NBEA: variants seen among roughly 807,000 people sequenced by gnomAD.
NBEA encodes lysosomal-trafficking regulator 2.
In NBEA, 44 loss-of-function variants were observed where a neutral mutation model predicts 343.4. The observed-to-expected ratio is 0.13, with a 90% confidence interval of 0.10 to 0.16. The LOEUF is 0.16. Among genes scored for constraint, NBEA ranks in the 10% least tolerant of loss-of-function variants. The probability of loss-of-function intolerance (pLI) is 1.00; values close to 1 mark genes in which losing one functional copy is unlikely to be tolerated. For synonymous variants in NBEA, 1,175 were observed against 1,238.7 expected, an observed-to-expected ratio of 0.95 and a Z score of 1.08; for missense variants, 2,555 against 3,631.3, an observed-to-expected ratio of 0.70 and a Z score of 7.62.
At chr13:35,427,848 C>G (rs1318904471) in intron 38 of NBEA, among the ~76,000 whole-genome samples, 1 of 152,346 alleles carries the variant, frequency 6.6e-6, no homozygotes, top group African/African-American at 2.4e-5. Flanking sequence ...CGCCCCTTCC[C>G]CAGTCTCACT....
intron 31 of NBEA, among the ~76,000 whole-genome samples, chr13:35,198,713 A>G (rs756946548): frequency 2.6e-5 from 4 of 152,008 alleles, no homozygotes; most frequent in Admixed American, 2.0e-4. Flanking sequence ...AATATATGCA[A>G]TAGCTCAAGT....
intron 38 of NBEA, among the ~76,000 whole-genome samples, chr13:35,427,751 G>A (rs910418454): frequency 6.6e-6 from 1 of 152,222 alleles, no homozygotes; most frequent in Non-Finnish European, 1.5e-5. Flanking sequence ...ACAGAGGCAG[G>A]CAGGCCTCCT....
intron 17 of NBEA, among the ~76,000 whole-genome samples, chr13:35,133,032 G>C (rs1353058836): frequency 6.6e-6 from 1 of 151,516 alleles, no homozygotes; most frequent in Non-Finnish European, 1.5e-5. Context: ...TTGACCATTA[G>C]AATAAAAAGT....
At chr13:35,301,023 C>T (rs1215323973) in intron 35 of NBEA, among the ~76,000 whole-genome samples, 4 of 152,094 alleles carry the variant, frequency 2.6e-5, no homozygotes, top group African/African-American at 9.7e-5. Flanking sequence ...TTAAAAACCA[C>T]ATGCAATCCT....
At chr13:35,377,119 A>C (rs977650747) in intron 38 of NBEA, among the ~76,000 whole-genome samples, 1 of 152,314 alleles carries the variant, frequency 6.6e-6, no homozygotes, top group Admixed American at 6.5e-5. Flanking sequence ...TTAGTTTTAA[A>C]ATTTTGACCA....
intron 11 of NBEA, among the ~76,000 whole-genome samples, chr13:35,107,671 A>G (rs559083344): frequency 3.9e-4 from 60 of 152,014 alleles, no homozygotes; most frequent in African/African-American, 1.4e-3. Flanking sequence ...TTTTTCTTCA[A>G]TTTTGCTAGC....
intron 36 of NBEA, among the ~76,000 whole-genome samples, chr13:35,337,393 T>C (rs1276208478): frequency 6.6e-6 from 1 of 152,066 alleles, no homozygotes; most frequent in Non-Finnish European, 1.5e-5. Context: ...AATACAAAAA[T>C]CATTACAGTG....
At chr13:35,438,619 C>A (rs967477871) in intron 39 of NBEA, among the ~76,000 whole-genome samples, 31 of 152,106 alleles carry the variant, frequency 2.0e-4, no homozygotes, top group African/African-American at 7.5e-4. Context: ...TTAATTGGAT[C>A]TCCTTATTTG....
Position 35,667,370 on chromosome 13 carries a change from G to A in NBEA, c.8465-4G>A. 6.2e-7 allele frequency: 1 copy of A among 1,612,854 alleles called. No homozygotes were observed. The highest frequency in any genetic ancestry group is 8.5e-7 in the Non-Finnish European group (1 of 1,179,330). On this transcript the variant is annotated splice_polypyrimidine_tract_variant and splice_region_variant and intron_variant, in intron 56 of 58. Coordinates refer to ENST00000379939, the MANE Select transcript of NBEA (RefSeq NM_001385012.1). ...ACCCTGGCATTGATGTCCCCACTTT[G>A]CAGAGGGCCCTTGCCTTGTCCACAC...
chr13:35,070,913 T>G, intron 10 of NBEA, 61 bp downstream of exon 10: 1 of 1,577,446 alleles, frequency 6.3e-7, no homozygotes, highest in Non-Finnish European at 8.7e-7. Flanking sequence ...CTATGCATGA[T>G]GTACTCAGTG....
intron 38 of NBEA, among the ~76,000 whole-genome samples, chr13:35,379,251 T>C (rs1009748746): frequency 2.6e-5 from 4 of 152,178 alleles, no homozygotes; most frequent in Non-Finnish European, 4.4e-5. Context: ...TCATTTTAGC[T>C]ATTTAGGTGG....
intron 13 of NBEA, among the ~76,000 whole-genome samples, chr13:35,111,598 A>G (rs1196778022): frequency 6.6e-6 from 1 of 151,906 alleles, no homozygotes; most frequent in Non-Finnish European, 1.5e-5. Context: ...GATTTTCTCA[A>G]TTTTTCTATG....
intron 38 of NBEA, among the ~76,000 whole-genome samples, chr13:35,383,060 A>G (rs2042087002): frequency 6.6e-6 from 1 of 152,140 alleles, no homozygotes; most frequent in South Asian, 2.1e-4. Flanking sequence ...TACACATCTC[A>G]CTATACACTG....
intron 41 of NBEA, among the ~76,000 whole-genome samples, chr13:35,528,119 C>T (rs1484942311): frequency 2.0e-5 from 3 of 152,152 alleles, no homozygotes; most frequent in African/African-American, 7.2e-5. Flanking sequence ...ATTTAGGCTT[C>T]CTACTCAATT....
At chr13:35,376,275 A>G (rs1382500038) in intron 38 of NBEA, among the ~76,000 whole-genome samples, 1 of 152,114 alleles carries the variant, frequency 6.6e-6, no homozygotes, top group Non-Finnish European at 1.5e-5. Context: ...TCCTTATTTG[A>G]ATGTTTCAAG....
chr13:35,045,352 A>G lies in NBEA; in HGVS notation c.674A>G (p.Gln225Arg), dbSNP rs1226476685. ...KLLSVLNQMPQRHGPDTFFNF... is the reference protein window; with the variant it reads ...KLLSVLNQMPRRHGPDTFFNF... Reference sequence around the variant, plus strand: ...TTATCAGTTCTTAATCAGATGCCACAGAGACACGGTCCTGATACTTTTTTC... The same window carrying G: ...TTATCAGTTCTTAATCAGATGCCACGGAGACACGGTCCTGATACTTTTTTC... Residue 225 changes from glutamine to arginine, a missense_variant, in exon 4 of 59, where the codon CAG becomes CGG. Gln to Arg is a conservative substitution (Grantham distance 43, BLOSUM62 1). This residue lies in a region of NBEA where 185 missense variants were observed against 290.6 expected (regional missense o/e 0.64). Transcript: ENST00000379939. 6.2e-7 allele frequency: 1 copy of G among 1,612,830 alleles called. No individual in the cohort carries two copies. Among genetic ancestry groups the G allele is most frequent in the South Asian group, 1.1e-5 (1 of 90,848 alleles).
At chr13:35,620,992 T>G in intron 48 of NBEA, among the ~76,000 whole-genome samples, 1 of 152,184 alleles carries the variant, frequency 6.6e-6, no homozygotes, top group Non-Finnish European at 1.5e-5. Flanking sequence ...GGGTGTTTAG[T>G]GCCTGTTGTC....
intron 38 of NBEA, among the ~76,000 whole-genome samples, chr13:35,394,583 A>G (rs1317216127): frequency 6.6e-6 from 1 of 152,146 alleles, no homozygotes; most frequent in African/African-American, 2.4e-5. Flanking sequence ...TCGCTGGAAA[A>G]AAAAATGAGA....
At chr13:35,640,173 A>G (rs1043486671) in intron 49 of NBEA, among the ~76,000 whole-genome samples, 2 of 152,242 alleles carry the variant, frequency 1.3e-5, no homozygotes, top group Non-Finnish European at 2.9e-5. Flanking sequence ...TGTGCAACAC[A>G]TAAGCACACA....
Sources: allele counts gnomAD v4.1 joint callset (sites outside exome capture counted in the v4.1 genomes callset), GRCh38; gene constraint gnomAD v4.1.1; regional missense constraint gnomAD v4.1.1; transcripts MANE v1.5; gene names NCBI Gene and HGNC (gene_info 2026-07-23, HGNC 2026-07-21).